PTPRM: variants seen among roughly 807,000 people sequenced by gnomAD.
The protein encoded by PTPRM is receptor-type tyrosine-protein phosphatase mu.
PTPRM carries 47 observed loss-of-function variants against 186.7 expected under a neutral mutation model. The ratio of observed to expected loss-of-function variants is 0.25; its 90% CI spans 0.20 to 0.32. The LOEUF (loss-of-function observed/expected upper bound fraction) is 0.32. Ranked by LOEUF, PTPRM falls within the 10% of genes least tolerant of loss-of-function variation. The pLI, the probability that PTPRM is intolerant of heterozygous loss-of-function variation, is 1.00. For synonymous variants in PTPRM, 668 were observed against 674.9 expected (o/e 0.99, Z 0.16); for missense variants, 1,494 against 1,865.0 (o/e 0.80, Z 3.66).
intron 2 of PTPRM, among the ~76,000 whole-genome samples, chr18:7,852,289 T>A (rs1156409466): frequency 6.6e-6 from 1 of 152,114 alleles, no homozygotes; most frequent in African/African-American, 2.4e-5. Context: ...AATAAAAGGT[T>A]ATATCAGCTG....
chr18:7,944,712 T>C (rs1364033076), intron 5 of PTPRM, among the ~76,000 whole-genome samples: 3 of 152,192 alleles, frequency 2.0e-5, no homozygotes, highest in Non-Finnish European at 4.4e-5. Flanking sequence ...AGCTACCCTA[T>C]ATTTCCCCTA....
intron 4 of PTPRM, among the ~76,000 whole-genome samples, chr18:7,917,541 AT>A (rs372411916): frequency 2.6e-5 from 4 of 152,164 alleles, no homozygotes; most frequent in East Asian, 1.9e-4. Context: ...GTCTAAAAAA[AT>A]ATATACTTTT....
intron 2 of PTPRM, chr18:7,814,970 C>T (rs1365023577): frequency 6.6e-6 from 1 of 151,264 alleles, no homozygotes; most frequent in Non-Finnish European, 1.5e-5. Flanking sequence ...TTTCAGGAAA[C>T]CAATCATCAG....
chr18:8,128,028 C>A (rs953736473), intron 13 of PTPRM, among the ~76,000 whole-genome samples: 1 of 152,070 alleles, frequency 6.6e-6, no homozygotes, highest in Non-Finnish European at 1.5e-5. Flanking sequence ...CAGTTGCACT[C>A]GAAAACGTAC....
At chr18:7,848,930 C>T (rs1754166279) in intron 2 of PTPRM, among the ~76,000 whole-genome samples, 2 of 151,972 alleles carry the variant, frequency 1.3e-5, no homozygotes, top group African/African-American at 4.8e-5. Flanking sequence ...AGTTAAATAG[C>T]TTTCACTGAA....
intron 1 of PTPRM, among the ~76,000 whole-genome samples, chr18:7,649,906 C>G (rs1157220714): frequency 6.6e-6 from 1 of 151,854 alleles, no homozygotes; most frequent in African/African-American, 2.4e-5. Flanking sequence ...TTTTTTTTAG[C>G]AATAACATAT....
chr18:8,381,336 C>T, intron 29 of PTPRM, among the ~76,000 whole-genome samples: 1 of 144,626 alleles, frequency 6.9e-6, no homozygotes. Context: ...AATTTCCTGT[C>T]CAGTAGACAC....
chr18:7,869,237 TG>T lies in PTPRM; in HGVS notation c.197-18865del, dbSNP rs964117067. On this transcript the variant is annotated intron_variant, in intron 2 of 32. Coordinates refer to ENST00000580170, the MANE Select transcript of PTPRM (RefSeq NM_001105244.2). ...GTCTTACTGTCTTTCCAGGTGCCAC[TG>T]GGGTATGAAACAAAACTCCTGCAGC... 1.3e-4 allele frequency among the ~76,000 whole-genome samples: 20 copies of T among 152,174 alleles called. 1 individual carries two copies. The highest frequency in any genetic ancestry group is 4.3e-4 in the African/African-American group (18 of 41,438).
chr18:7,656,290 G>A lies in PTPRM; in HGVS notation c.73+88399G>A, dbSNP rs975118342. 3.3e-5 allele frequency among the ~76,000 whole-genome samples: 5 copies of A among 152,296 alleles called. 1 individual carries two copies. The South Asian group carries it at 6.2e-4, about 19-fold the overall frequency. On this transcript the variant is annotated intron_variant, in intron 1 of 32. Coordinates refer to ENST00000580170, the MANE Select transcript of PTPRM (RefSeq NM_001105244.2). ...TACAACACAAATGAACCTTGAGGAC[G>A]TTGTGCTGAGTGAAATAAGCTGATC...
At chr18:8,142,346 G>C (rs943615089) in intron 13 of PTPRM, among the ~76,000 whole-genome samples, 1 of 152,094 alleles carries the variant, frequency 6.6e-6, no homozygotes, top group Non-Finnish European at 1.5e-5. Flanking sequence ...CTCACTTCCT[G>C]GGGTCAGTCT....
At chr18:7,832,709 C>T (rs915246624) in intron 2 of PTPRM, among the ~76,000 whole-genome samples, 20 of 152,144 alleles carry the variant, frequency 1.3e-4, no homozygotes, top group South Asian at 4.1e-4. Context: ...AATGTCCTGG[C>T]GAGCTCTTCT....
intron 7 of PTPRM, among the ~76,000 whole-genome samples, chr18:7,973,570 G>A (rs2054720984): frequency 1.3e-5 from 2 of 151,926 alleles, no homozygotes; most frequent in Non-Finnish European, 2.9e-5. Flanking sequence ...TTAAATTGTA[G>A]GGATACTTTC....
intron 31 of PTPRM, among the ~76,000 whole-genome samples, chr18:8,388,885 C>T (rs906620343): frequency 1.3e-5 from 2 of 152,168 alleles, no homozygotes; most frequent in Admixed American, 6.5e-5. Context: ...GGCGTGAACC[C>T]GGGAGGCGGA....
At position 7,781,642 on chromosome 18, in the gene PTPRM, G is replaced by A. The variant is rs117111317; in HGVS notation, c.196+7371G>A. Among the ~76,000 whole-genome samples the A allele has an allele frequency of 2.6e-3, 391 of 152,108 alleles. 3 individuals carry two copies. Among genetic ancestry groups the A allele is most frequent in the Middle Eastern group, 0.014 (4 of 294 alleles). ...AAGCAGTCCCCATTGTCTATCATTCGTTCCCATGTTTGTGTCCATCTAACA... is the reference window on the plus strand; with the variant it reads ...AAGCAGTCCCCATTGTCTATCATTCATTCCCATGTTTGTGTCCATCTAACA... On this transcript the variant is annotated intron_variant, in intron 2 of 32. Transcript: ENST00000580170.
At chr18:8,262,513 G>T (rs898447845) in intron 19 of PTPRM, among the ~76,000 whole-genome samples, 1 of 152,112 alleles carries the variant, frequency 6.6e-6, no homozygotes, top group African/African-American at 2.4e-5. Flanking sequence ...CATCCTCCAG[G>T]CCTCCAGGGC....
At chr18:8,333,159 G>A (rs941946934) in intron 22 of PTPRM, among the ~76,000 whole-genome samples, 4 of 152,070 alleles carry the variant, frequency 2.6e-5, no homozygotes, top group East Asian at 3.9e-4. Context: ...TTAGCAATTC[G>A]GGATAATGAG....
intron 2 of PTPRM, among the ~76,000 whole-genome samples, chr18:7,811,764 T>G (rs2044529801): frequency 1.3e-5 from 2 of 152,002 alleles, no homozygotes; most frequent in Non-Finnish European, 2.9e-5. Context: ...TGTGGCACTG[T>G]TATATAAGTC....
chr18:7,886,736 A>T (rs2146336122), intron 2 of PTPRM, among the ~76,000 whole-genome samples: 1 of 152,310 alleles, frequency 6.6e-6, no homozygotes, highest in African/African-American at 2.4e-5. Flanking sequence ...GTTTATCATA[A>T]ATGGTGTTAA....
chr18:7,894,126 G>A (rs1013308602), intron 3 of PTPRM, among the ~76,000 whole-genome samples: 1 of 152,272 alleles, frequency 6.6e-6, no homozygotes, highest in Admixed American at 6.5e-5. Flanking sequence ...CGTGTACCGA[G>A]GAGATGCCTG....
Sources: gnomAD v4.1 joint callset for allele counts (sites outside exome capture counted in the v4.1 genomes callset) on GRCh38, gnomAD v4.1.1 for gene constraint, MANE v1.5 for transcripts, NCBI Gene and HGNC (gene_info 2026-07-23, HGNC 2026-07-21) for gene names.